BLTP3B: variants seen among roughly 807,000 people sequenced by gnomAD.
BLTP3B encodes the protein bridge-like lipid transfer protein family member 3B, also known as UHRF1 (ICBP90) binding protein 1-like.
the BLTP3B span, among the ~76,000 whole-genome samples, chr12:100,046,761 A>G: frequency 6.6e-6 from 1 of 152,152 alleles, no homozygotes; most frequent in Admixed American, 6.6e-5. Flanking sequence ...TATAAAGAAG[A>G]CAGTTGAGAG....
At chr12:100,070,176 G>GA in the BLTP3B span, 1 of 1,558,748 alleles carries the variant, frequency 6.4e-7, no homozygotes. Context: ...GCAGCTGAGA[G>GA]AAACAAATGA....
the BLTP3B span, among the ~76,000 whole-genome samples, chr12:100,121,657 CCT>C: frequency 6.6e-6 from 1 of 151,762 alleles, no homozygotes; most frequent in African/African-American, 2.4e-5. Flanking sequence ...ATGGTGAAAC[CCT>C]GTCTCTACTA....
chr12:100,124,933 ATTTTATATATATATATATATAT>A, the BLTP3B span, among the ~76,000 whole-genome samples: 1 of 45,096 alleles, frequency 2.2e-5, no homozygotes, highest in African/African-American at 6.0e-5. Context: ...AAAAAAAAAA[ATTTTATATATATATATATATAT>A]ATATATATAT....
chr12:100,122,781 C>T, the BLTP3B span, among the ~76,000 whole-genome samples: 1 of 152,168 alleles, frequency 6.6e-6, no homozygotes, highest in Non-Finnish European at 1.5e-5. Flanking sequence ...ACCCTCTTCT[C>T]TACTACATTT....
chr12:100,136,958 T>C, the BLTP3B span, among the ~76,000 whole-genome samples: 2 of 152,234 alleles, frequency 1.3e-5, no homozygotes, highest in Admixed American at 6.5e-5. Flanking sequence ...ATTACAGGCA[T>C]GGGCCACCAC....
At chr12:100,095,952 A>C in the BLTP3B span, 1 of 1,034,560 alleles carries the variant, frequency 9.7e-7, no homozygotes, top group South Asian at 1.8e-5. Context: ...TTCTTCCTTC[A>C]CACAAGAAGT....
At chr12:100,129,550 A>G in the BLTP3B span, among the ~76,000 whole-genome samples, 1 of 152,232 alleles carries the variant, frequency 6.6e-6, no homozygotes, top group Non-Finnish European at 1.5e-5. Context: ...CTGCCCTTAA[A>G]GAGATGACTA....
the BLTP3B span, among the ~76,000 whole-genome samples, chr12:100,087,822 T>C: frequency 1.3e-5 from 2 of 152,228 alleles, no homozygotes; most frequent in African/African-American, 4.8e-5. Context: ...TAGAAAACAC[T>C]TTCTCCATTC....
At chr12:100,098,001 G>A in the BLTP3B span, among the ~76,000 whole-genome samples, 4 of 152,104 alleles carry the variant, frequency 2.6e-5, no homozygotes, top group Non-Finnish European at 4.4e-5. Flanking sequence ...TGGATAGCTT[G>A]AGCCCAGGAG....
the BLTP3B span, among the ~76,000 whole-genome samples, chr12:100,119,047 AGCCGAGATC>A: frequency 3.3e-5 from 5 of 152,202 alleles, no homozygotes; most frequent in Non-Finnish European, 7.3e-5. Flanking sequence ...GGTTGCAGTG[AGCCGAGATC>A]GCGCCACTGC....
the BLTP3B span, among the ~76,000 whole-genome samples, chr12:100,104,654 G>A: frequency 5.9e-5 from 9 of 151,272 alleles, no homozygotes; most frequent in Admixed American, 2.6e-4. Context: ...ACAAAAGTTC[G>A]GCCATTAATA....
chr12:100,115,144 G>A, the BLTP3B span, among the ~76,000 whole-genome samples: 4 of 152,134 alleles, frequency 2.6e-5, no homozygotes, highest in Non-Finnish European at 4.4e-5. Flanking sequence ...AGTAGCTCAC[G>A]CCTGTAATCT....
chr12:100,125,598 T>C, the BLTP3B span, among the ~76,000 whole-genome samples: 1 of 151,982 alleles, frequency 6.6e-6, no homozygotes, highest in Non-Finnish European at 1.5e-5. Context: ...CAGTGAGCTG[T>C]GATCACGCCA....
the BLTP3B span, chr12:100,142,827 A>ACGGCCGCCG: frequency 2.8e-6 from 2 of 726,914 alleles, no homozygotes; most frequent in South Asian, 2.0e-5. Flanking sequence ...TCAGGCCGCC[A>ACGGCCGCCG]CGGCCGCCGC....
chr12:100,062,177 A>G, the BLTP3B span, among the ~76,000 whole-genome samples: 1 of 152,244 alleles, frequency 6.6e-6, no homozygotes, highest in Non-Finnish European at 1.5e-5. Flanking sequence ...CTGTGAGACA[A>G]TAAATTTCTG....
the BLTP3B span, chr12:100,142,769 G>C: frequency 7.4e-7 from 1 of 1,359,886 alleles, no homozygotes. Flanking sequence ...AGAGACCCAA[G>C]GCCCCGGCCA....
At chr12:100,134,844 T>A in the BLTP3B span, among the ~76,000 whole-genome samples, 1 of 152,232 alleles carries the variant, frequency 6.6e-6, no homozygotes, top group South Asian at 2.1e-4. Context: ...TGTCGGTCAA[T>A]CCTGCCTTTA....
At chr12:100,056,254 G>A in the BLTP3B span, among the ~76,000 whole-genome samples, 7 of 152,054 alleles carry the variant, frequency 4.6e-5, no homozygotes, top group Non-Finnish European at 1.0e-4. Flanking sequence ...GACCTCCAGA[G>A]GACTGCAAAA....
the BLTP3B span, among the ~76,000 whole-genome samples, chr12:100,135,802 T>C: frequency 6.6e-6 from 1 of 152,204 alleles, no homozygotes; most frequent in Non-Finnish European, 1.5e-5. Flanking sequence ...TGTTAACTGC[T>C]ACATCCCCAG....
Sources: allele counts gnomAD v4.1 joint callset (sites outside exome capture counted in the v4.1 genomes callset), GRCh38; gene constraint gnomAD v4.1.1; transcripts MANE v1.5; gene names NCBI Gene and HGNC (gene_info 2026-07-23, HGNC 2026-07-21).